SIGLEC10: variants seen among roughly 807,000 people sequenced by gnomAD.
The protein encoded by SIGLEC10 is sialic acid binding Ig like lectin 10.
A neutral mutation model predicts 68.3 loss-of-function variants in SIGLEC10; 45 were observed. That is an observed-to-expected ratio of 0.66 (90% confidence interval 0.52 to 0.84). The LOEUF (loss-of-function observed/expected upper bound fraction) is 0.84. Ranked by LOEUF, SIGLEC10 falls within the 40% of genes least tolerant of loss-of-function variation. The pLI is 0.00. For missense variants in SIGLEC10, 789 were observed against 883.1 expected (o/e 0.89, Z 1.35); for synonymous variants, 379 against 370.8 (o/e 1.02, Z -0.26).
rs781190683 is a variant in SIGLEC10 at position 51,417,107 on chromosome 19, G to A, written c.396C>T (p.Asn132=). ...RGSYVRYNFM[N]DGFFLKVTAL... is the part of the protein sequence containing the mutation. ...CTGTTACTTTTAGAAAGAACCCATC[G>A]TTCATGAAATTATATCTCACATAGC... is the stretch of plus-strand genomic sequence containing the variant. The change falls in exon 2 of 11, where the codon AAC becomes AAT. Residue 132 remains asparagine, a synonymous_variant. Transcript: ENST00000339313. 18 of 1,614,034 alleles carry A rather than the reference G, an allele frequency of 1.1e-5. No homozygotes were observed. Among genetic ancestry groups the A allele is most frequent in the Admixed American group, 1.7e-5 (1 of 60,014 alleles).
chr19:51,412,960 G>A (rs1400013042), intron 10 of SIGLEC10, among the ~76,000 whole-genome samples: 1 of 151,940 alleles, frequency 6.6e-6, no homozygotes, highest in Non-Finnish European at 1.5e-5. Context: ...GTAGAGAAGA[G>A]GTCTCACTAT....
At chr19:51,412,989 T>G (rs1988161935) in intron 10 of SIGLEC10, among the ~76,000 whole-genome samples, 1 of 151,964 alleles carries the variant, frequency 6.6e-6, no homozygotes, top group South Asian at 2.1e-4. Flanking sequence ...GGCTGGGGAA[T>G]TATCTTAAGT....
rs1330769230 is a variant in SIGLEC10, at chr19:51,411,032, T to C, written c.*67A>G. The C allele has an allele frequency of 1.4e-5, 21 of 1,530,260 alleles. No individual in the cohort carries two copies. Among genetic ancestry groups the C allele is most frequent in the Non-Finnish European group, 1.8e-5 (20 of 1,133,284 alleles). 94.8% of individuals were successfully genotyped at this position (1,530,260 alleles called of 1,614,324 possible). A position where few individuals can be genotyped will look rare whatever the true frequency, so the allele number is the denominator to read the frequency against. ...GGAGAGAAGGAAACTTTGCACTCTGTTATCTTCAACCTCTTACTCTACCTT... is the reference window on the plus strand; with the variant it reads ...GGAGAGAAGGAAACTTTGCACTCTGCTATCTTCAACCTCTTACTCTACCTT... On this transcript the variant is annotated 3_prime_UTR_variant, in exon 11 of 11. Coordinates refer to ENST00000339313, the MANE Select transcript of SIGLEC10 (RefSeq NM_033130.5).
rs781555357 is a variant in SIGLEC10, at chr19:51,411,081, C to G, written c.*18G>C. On this transcript the variant is annotated 3_prime_UTR_variant, in exon 11 of 11. Transcript: ENST00000339313. ...TTCCTCCCTAGCCGAAGTCCCAGTC[C>G]TAAAGCCTAAGAGACCCTCATTGGA... 1.2e-6 allele frequency: 2 copies of G among 1,608,340 alleles called. No homozygotes were observed. The highest frequency in any genetic ancestry group is 8.5e-7 in the Non-Finnish European group (1 of 1,176,174).
Position 51,415,385 on chromosome 19 carries a change from G to A in SIGLEC10, c.1126C>T (p.Leu376=), listed in dbSNP as rs766611353. ...CTGTGTGTGACACAGACCAGGCACA[G>A]GCTTTGGCCCTCCAGTACTGGGAGA... The part of the protein sequence containing the change: ...TSLPVLEGQS[L]CLVCVTHSSP... The change falls in exon 7 of 11, where the codon CTG becomes TTG. Residue 376 remains leucine, a synonymous_variant. Transcript: ENST00000339313. The A allele has an allele frequency of 1.2e-4, 189 of 1,610,886 alleles. No individual in the cohort carries two copies. The highest frequency in any genetic ancestry group is 5.4e-5 in the Non-Finnish European group (64 of 1,178,242).
rs780402475 is a variant in SIGLEC10, at chr19:51,414,984, C to T, written c.1455G>A (p.Gly485=). 10 of 1,613,100 alleles carry T rather than the reference C, an allele frequency of 6.2e-6. No homozygotes were observed. Among genetic ancestry groups the T allele is most frequent in the Non-Finnish European group, 8.5e-6 (10 of 1,179,894 alleles). The change falls in exon 8 of 11, where the codon GGG becomes GGA. Residue 485 remains glycine, a synonymous_variant. Coordinates refer to ENST00000339313, the MANE Select transcript of SIGLEC10 (RefSeq NM_033130.5). The surrounding 1 kb of genome is among the most constrained non-coding windows in gnomAD (Gnocchi z 4.1). ...RWWLGEELLE[G]NSSQDSFEVT... is the part of the protein sequence containing the mutation. ...CCTCGAAGGAGTCCTGGCTGCTGTT[C>T]CCCTCCAGCAGCTCCTCCCCAAGCC...
At chr19:51,413,904 C>CT in intron 9 of SIGLEC10, 81 bp from the exon 10 acceptor site, 2 of 1,059,220 alleles carry the variant, frequency 1.9e-6, no homozygotes, top group Non-Finnish European at 2.9e-6. Context: ...GAGACCGTCA[C>CT]TATGACAGTT....
chr19:51,415,193 G>A lies in SIGLEC10; in HGVS notation c.1318C>T (p.Leu440Phe). ...PLGSQHVSLS[L>F]SVHYSPKLLG... ...TTCCCCCACTCACAGTGCACGGAGA[G>A]GCTGAGAGAGACGTGCTGGGAGCCC... The change falls in exon 7 of 11, where the codon CTC becomes TTC. Residue 440 changes from leucine to phenylalanine, a missense_variant. By Grantham distance (22) the Leu-to-Phe change is conservative. Coordinates refer to ENST00000339313, the MANE Select transcript of SIGLEC10 (RefSeq NM_033130.5). 3.1e-6 allele frequency: 5 copies of A among 1,608,232 alleles called. No homozygotes were observed. The highest frequency in any genetic ancestry group is 4.2e-6 in the Non-Finnish European group (5 of 1,176,866).
At position 51,417,605 on chromosome 19, in the gene SIGLEC10, T is replaced by A; in HGVS notation, c.-24A>T. 6.2e-7 allele frequency: 1 copy of A among 1,614,010 alleles called. No homozygotes were observed. Among genetic ancestry groups the A allele is most frequent in the Non-Finnish European group, 8.5e-7 (1 of 1,179,868 alleles). On this transcript the variant is annotated 5_prime_UTR_variant, in exon 1 of 11. Transcript: ENST00000339313. ...ATCTCCGCATAGGAGGCGCAGGGCC[T>A]GCCTGAGACAGGCCTGTTCTCTGGT...
chr19:51,412,568 G>C (rs1376091832), intron 10 of SIGLEC10, among the ~76,000 whole-genome samples: 1 of 151,274 alleles, frequency 6.6e-6, no homozygotes, highest in East Asian at 1.9e-4. Flanking sequence ...TCCACCTCCT[G>C]GGTTCAAGTA....
rs762917922 is a variant in SIGLEC10 at position 51,414,954 on chromosome 19, G to A, written c.1485C>T (p.Thr495=). Residue 495 remains threonine, a synonymous_variant, in exon 8 of 11, where the codon ACC becomes ACT. Coordinates refer to ENST00000339313, the MANE Select transcript of SIGLEC10 (RefSeq NM_033130.5). This position sits in a 1 kb window ranked among gnomAD's most constrained non-coding sequence, Gnocchi z 4.1. ...GNSSQDSFEV[T]PSSAGPWANS... Reference sequence around the variant, plus strand: ...TGGCCCAGGGCCCGGCTGAGCTGGGGGTGACCTCGAAGGAGTCCTGGCTGC... The same window carrying A: ...TGGCCCAGGGCCCGGCTGAGCTGGGAGTGACCTCGAAGGAGTCCTGGCTGC... 9 of 1,613,866 alleles carry A rather than the reference G, an allele frequency of 5.6e-6. No individual in the cohort carries two copies. The highest frequency in any genetic ancestry group is 1.7e-4 in the Middle Eastern group (1 of 6,008).
At chr19:51,415,158 G>C in intron 7 of SIGLEC10, 23 bp downstream of exon 7, 3 of 1,585,804 alleles carry the variant, frequency 1.9e-6, no homozygotes, top group African/African-American at 1.3e-5. Context: ...CTGGGACCCA[G>C]GTGTCCCCTT....
chr19:51,416,246 C>T (rs1413705896), intron 4 of SIGLEC10, 64 bp downstream of exon 4: 1 of 1,613,020 alleles, frequency 6.2e-7, no homozygotes, highest in Non-Finnish European at 8.5e-7. Context: ...CACATCCCCT[C>T]ATCCCCTGAA....
In SIGLEC10 at chr19:51,414,258, G is replaced by A. The variant is rs991256405; in HGVS notation, c.1709+164C>T. Reference sequence around the variant, plus strand: ...TCCCTCTGGGAAGCAGACGCAGTTTGTCAGTTGGACAACATTCTGCATTTA... The same window carrying A: ...TCCCTCTGGGAAGCAGACGCAGTTTATCAGTTGGACAACATTCTGCATTTA... On this transcript the variant is annotated intron_variant, in intron 9 of 10. Transcript: ENST00000339313. The surrounding 1 kb of genome is among the most constrained non-coding windows in gnomAD (Gnocchi z 4.1). 1.1e-5 allele frequency: 7 copies of A among 639,626 alleles called. No individual in the cohort carries two copies. The highest frequency in any genetic ancestry group is 4.2e-4 in the Middle Eastern group (1 of 2,390). The allele number at this position is 639,626 out of a possible 1,614,324, so 39.6% of individuals were successfully genotyped here.
In SIGLEC10 at chr19:51,414,349, T is replaced by C; in HGVS notation, c.1709+73A>G. The stretch of plus-strand genomic sequence containing the variant: ...ATACTGCGTTGATCACGACCTTCAC[T>C]CTTTCGGCCTGCAACACCTCCCCTC... On this transcript the variant is annotated intron_variant, in intron 9 of 10. Coordinates refer to ENST00000339313, the MANE Select transcript of SIGLEC10 (RefSeq NM_033130.5). This position sits in a 1 kb window ranked among gnomAD's most constrained non-coding sequence, Gnocchi z 4.1. 7.7e-7 allele frequency: 1 copy of C among 1,290,408 alleles called. No individual in the cohort carries two copies. Among genetic ancestry groups the C allele is most frequent in the South Asian group, 1.2e-5 (1 of 81,494 alleles). 79.9% of individuals were successfully genotyped at this position (1,290,408 alleles called of 1,614,324 possible). A position where few individuals can be genotyped will look rare whatever the true frequency, so the allele number is the denominator to read the frequency against.
In SIGLEC10 at chr19:51,410,090, G is replaced by T. The variant is rs73562146; in HGVS notation, c.*1009C>A. On this transcript the variant is annotated 3_prime_UTR_variant, in exon 11 of 11. Transcript: ENST00000339313. ...TGGCTACTCCATAGACAAGAGCAGCGCCTAGAGCTGCTGGTTGCCCACTTT... is the reference window on the plus strand; with the variant it reads ...TGGCTACTCCATAGACAAGAGCAGCTCCTAGAGCTGCTGGTTGCCCACTTT... 23,985 of 152,202 alleles carry T rather than the reference G, an allele frequency of 0.16. 3,675 individuals are homozygous for T. Among genetic ancestry groups the T allele is most frequent in the African/African-American group, 0.4 (16,408 of 41,486 alleles). 9.4% of individuals were successfully genotyped at this position (152,202 alleles called of 1,614,324 possible).
In SIGLEC10 at chr19:51,411,138, C is replaced by T. The variant is rs2086905419; in HGVS notation, c.2055G>A (p.Lys685=). The change falls in exon 11 of 11, where the codon AAG becomes AAA. Residue 685 remains lysine, a synonymous_variant. Transcript: ENST00000339313. ...VRPRPEARMP[K]GTQADYAEVK... ...CTTCTGCATAATCCGCCTGGGTGCC[C>T]TTGGGCATCCGGGCCTCAGGCCTGG... The T allele has an allele frequency of 1.2e-6, 2 of 1,614,048 alleles. No homozygotes were observed. The highest frequency in any genetic ancestry group is 1.7e-5 in the Admixed American group (1 of 60,000).
Position 51,411,071 on chromosome 19 carries a change from A to T in SIGLEC10, c.*28T>A, listed in dbSNP as rs1366407537. On this transcript the variant is annotated 3_prime_UTR_variant, in exon 11 of 11. Transcript: ENST00000339313. ...TTACTCTACCTTCCTCCCTAGCCGA[A>T]GTCCCAGTCCTAAAGCCTAAGAGAC... 1.3e-6 allele frequency: 2 copies of T among 1,596,814 alleles called. No individual in the cohort carries two copies. The highest frequency in any genetic ancestry group is 1.7e-6 in the Non-Finnish European group (2 of 1,170,152).
At position 51,415,266 on chromosome 19, in the gene SIGLEC10, A is replaced by C. The variant is rs770555546; in HGVS notation, c.1245T>G (p.Val415=). ...SDPGVLELPR[V]QVEHEGEFTC... ...TGAACTCTCCTTCGTGCTCCACTTGAACCCGAGGCAGCTCCAGGACCCCGG... is the reference window on the plus strand; with the variant it reads ...TGAACTCTCCTTCGTGCTCCACTTGCACCCGAGGCAGCTCCAGGACCCCGG... The change falls in exon 7 of 11, where the codon GTT becomes GTG. Residue 415 remains valine (V), a synonymous_variant. Transcript: ENST00000339313. 5 of 1,613,928 alleles carry C rather than the reference A, an allele frequency of 3.1e-6. No individual in the cohort carries two copies. The highest frequency in any genetic ancestry group is 1.6e-4 in the Middle Eastern group (1 of 6,084).
Sources: allele counts gnomAD v4.1 joint callset (sites outside exome capture counted in the v4.1 genomes callset), GRCh38; gene constraint gnomAD v4.1.1; non-coding constraint Gnocchi (gnomAD v3.1); transcripts MANE v1.5; gene names NCBI Gene and HGNC (gene_info 2026-07-23, HGNC 2026-07-21).